The following CDH23 variants were observed in gnomAD, a reference collection of about 807,000 sequenced individuals.
CDH23 encodes cadherin-23.
CDH23 carries 189 observed loss-of-function variants against 317.1 expected under a neutral mutation model. The ratio of observed to expected loss-of-function variants is 0.60; its 90% CI spans 0.53 to 0.67. The LOEUF (loss-of-function observed/expected upper bound fraction) is 0.67. Ranked by LOEUF, CDH23 falls within the 30% of genes least tolerant of loss-of-function variation. The probability of loss-of-function intolerance (pLI) is 0.00; values close to 1 mark genes in which losing one functional copy is unlikely to be tolerated. For synonymous variants in CDH23, 1,839 were observed against 1,876.8 expected, an observed-to-expected ratio of 0.98 and a Z score of 0.52; for missense variants, 4,401 against 4,592.4, an observed-to-expected ratio of 0.96 and a Z score of 1.20.
At chr10:71,559,959 C>T (rs886382427) in intron 6 of CDH23, among the ~76,000 whole-genome samples, 1 of 152,212 alleles carries the variant, frequency 6.6e-6, no homozygotes, top group Non-Finnish European at 1.5e-5. Context: ...TGTGTTGGTG[C>T]CCCATGGGCA....
At chr10:71,498,364 A>G (rs1157888795) in intron 3 of CDH23, among the ~76,000 whole-genome samples, 1 of 152,180 alleles carries the variant, frequency 6.6e-6, no homozygotes, top group East Asian at 1.9e-4. Context: ...TGAGGGTCAC[A>G]TTCGGGCCAG....
chr10:71,537,899 T>C (rs1199974317), intron 6 of CDH23, among the ~76,000 whole-genome samples: 1 of 152,178 alleles, frequency 6.6e-6, no homozygotes. Flanking sequence ...AGCCGACTCC[T>C]CCCACTCACT....
intron 1 of CDH23, among the ~76,000 whole-genome samples, chr10:71,425,635 A>G (rs1849042800): frequency 6.6e-6 from 1 of 152,118 alleles, no homozygotes; most frequent in African/African-American, 2.4e-5. Flanking sequence ...TGTTTGCCTC[A>G]CTTTCACTCC....
At chr10:71,411,381 G>A (rs963742298) in intron 1 of CDH23, among the ~76,000 whole-genome samples, 11 of 151,742 alleles carry the variant, frequency 7.2e-5, no homozygotes, top group Middle Eastern at 3.4e-3. Context: ...TATGTTTTTC[G>A]ATACTATTGT....
intron 48 of CDH23, 136 bp downstream of exon 48, chr10:71,793,776 G>GGGGAGA: frequency 1.5e-6 from 1 of 682,028 alleles, no homozygotes; most frequent in Non-Finnish European, 2.4e-6. Flanking sequence ...TCCTCTGGAG[G>GGGGAGA]GAAACCAGAA....
Position 71,803,042 on chromosome 10 carries a change from G to A in CDH23, c.7627G>A (p.Glu2543Lys). The change falls in exon 54 of 70, where the codon GAG becomes AAG. Residue 2543 changes from glutamate to lysine, a missense_variant. Glu to Lys is a moderately conservative substitution (Grantham distance 56, BLOSUM62 1). Transcript: ENST00000224721. The part of the protein sequence containing the change: ...ATDQDEGPNG[E>K]LTYSLEGPGV... ...TGACCAGGATGAAGGTCCCAATGGA[G>A]AGTTGACCTACTCACTTGAGGGCCC... 1 of 1,613,202 alleles carries A rather than the reference G, an allele frequency of 6.2e-7. No homozygotes were observed. Among genetic ancestry groups the A allele is most frequent in the Non-Finnish European group, 8.5e-7 (1 of 1,179,310 alleles).
chr10:71,811,551 C>T lies in CDH23; in HGVS notation c.9239C>T (p.Ala3080Val). 6.2e-7 allele frequency: 1 copy of T among 1,613,980 alleles called. No homozygotes were observed. The highest frequency in any genetic ancestry group is 8.5e-7 in the Non-Finnish European group (1 of 1,179,892). Residue 3080 changes from alanine (A) to valine (V), a missense_variant, in exon 64 of 70, where the codon GCC (alanine) becomes GTC (valine). Coordinates refer to ENST00000224721, the MANE Select transcript of CDH23 (RefSeq NM_022124.6). ...IVLAILLFLA[A>V]MLFVLMNWYY... ...CTGGCTATCCTCCTGTTCCTGGCCG[C>T]CATGCTCTTTGTCCTCATGAACTGG...
chr10:71,667,384 G>A lies in CDH23; in HGVS notation c.1450-7728G>A, dbSNP rs1274765995. ...AGTGTGTGTGTGTGTGTGTGTGTGT[G>A]TGTGTGTGTGTGCGCGTGTGTGTGT... On this transcript the variant is annotated intron_variant, in intron 14 of 69. Coordinates refer to ENST00000224721, the MANE Select transcript of CDH23 (RefSeq NM_022124.6). Among the ~76,000 whole-genome samples the A allele has an allele frequency of 2.3e-4, 35 of 150,576 alleles. 1 individual carries two copies. Among genetic ancestry groups the A allele is most frequent in the African/African-American group, 8.4e-4 (34 of 40,712 alleles).
chr10:71,710,861 C>G (rs1247883920), intron 27 of CDH23, among the ~76,000 whole-genome samples: 2 of 152,174 alleles, frequency 1.3e-5, no homozygotes, highest in Admixed American at 6.5e-5. Context: ...AGGCTGTGAT[C>G]AGGTAGGGCC....
chr10:71,677,504 G>GGACT lies in CDH23; in HGVS notation c.1564_1567dup (p.Tyr523Ter). 6.2e-7 allele frequency: 1 copy of GGACT among 1,612,142 alleles called. No individual in the cohort carries two copies. Among genetic ancestry groups the GGACT allele is most frequent in the Non-Finnish European group, 8.5e-7 (1 of 1,179,390 alleles). On this transcript the variant is annotated frameshift_variant, in exon 16 of 70. Transcript: ENST00000224721. LOFTEE classifies it high-confidence loss of function. ...GACTCATCATGCTGATTGCCAGGCT[G>GGACT]GACTATGAGCTCATCCAGCGCTTCA...
intron 38 of CDH23, among the ~76,000 whole-genome samples, chr10:71,775,751 G>A (rs1840803157): frequency 2.0e-5 from 3 of 152,172 alleles, no homozygotes. Context: ...CCTGCAGCCT[G>A]CACACTCCAT....
chr10:71,628,981 C>A (rs1310906065), intron 11 of CDH23, among the ~76,000 whole-genome samples: 1 of 152,138 alleles, frequency 6.6e-6, no homozygotes, highest in Admixed American at 6.5e-5. Context: ...GGTCACAGAG[C>A]GTGGGAAGAG....
chr10:71,569,235 GC>G (rs1313344903), intron 7 of CDH23, among the ~76,000 whole-genome samples: 1 of 152,086 alleles, frequency 6.6e-6, no homozygotes, highest in African/African-American at 2.4e-5. Context: ...ATCCCTAAAG[GC>G]CCTCCCACCC....
chr10:71,681,157 A>T (rs2132679052), intron 17 of CDH23, among the ~76,000 whole-genome samples: 1 of 152,132 alleles, frequency 6.6e-6, no homozygotes, highest in African/African-American at 2.4e-5. Context: ...TAAAAGTTCC[A>T]TGCTTCTGCC....
chr10:71,717,620 A>T (rs1866333132), intron 28 of CDH23: 1 of 152,220 alleles, frequency 6.6e-6, no homozygotes, highest in Non-Finnish European at 1.5e-5. Context: ...ATAACACATG[A>T]CCAGAGGGTA....
At chr10:71,464,576 T>G (rs1221656125) in intron 3 of CDH23, among the ~76,000 whole-genome samples, 1 of 151,974 alleles carries the variant, frequency 6.6e-6, no homozygotes, top group African/African-American at 2.4e-5. Context: ...CTGGAAGCAA[T>G]TCTGCTCAGC....
chr10:71,594,419 G>A (rs1048662335), intron 9 of CDH23, among the ~76,000 whole-genome samples: 4 of 151,004 alleles, frequency 2.6e-5, no homozygotes, highest in African/African-American at 4.9e-5. Flanking sequence ...TATTGCCCAG[G>A]CTGGAGTGCA....
At chr10:71,779,827 G>A (rs963505974) in intron 41 of CDH23, among the ~76,000 whole-genome samples, 1 of 152,220 alleles carries the variant, frequency 6.6e-6, no homozygotes, top group African/African-American at 2.4e-5. Flanking sequence ...CACACACCAA[G>A]GGAGCGCCTG....
rs1865641428 is a variant in CDH23, at chr10:71,702,784, G to A, written c.2733+90G>A. The A allele has an allele frequency of 6.8e-6, 10 of 1,477,612 alleles. No homozygotes were observed. The South Asian group carries it at 1.0e-4, about 15-fold the overall frequency. 91.5% of individuals were successfully genotyped at this position (1,477,612 alleles called of 1,614,324 possible). On this transcript the variant is annotated intron_variant, in intron 24 of 69. Coordinates refer to ENST00000224721, the MANE Select transcript of CDH23 (RefSeq NM_022124.6). The stretch of plus-strand genomic sequence containing the variant: ...CCCAGGCTGAAAACTTTGCAGGGCT[G>A]GGGCAGGGGAGGAGCTGGGTCTTGA...
Sources: gnomAD v4.1 joint callset for allele counts (sites outside exome capture counted in the v4.1 genomes callset) on GRCh38, gnomAD v4.1.1 for gene constraint, MANE v1.5 for transcripts, NCBI Gene and HGNC (gene_info 2026-07-23, HGNC 2026-07-21) for gene names.